Variants in UCHL5 observed in about 807,000 individuals in gnomAD.
UCHL5 encodes the protein ubiquitin carboxyl-terminal hydrolase isozyme L5.
Under a neutral mutation model 53.8 loss-of-function variants are expected in UCHL5, and 34 were observed. The ratio of observed to expected loss-of-function variants is 0.63; its 90% confidence interval spans 0.48 to 0.84. The LOEUF is 0.84. Among genes scored for constraint, UCHL5 ranks in the 40% least tolerant of loss-of-function variants. The pLI is 0.00. For synonymous variants in UCHL5, 111 were observed against 126.3 expected (o/e 0.88, Z 0.81); for missense variants, 290 against 385.6 (o/e 0.75, Z 2.08).
At chr1:193,049,406 T>C (rs1020566477) in intron 3 of UCHL5, 1 of 166,424 alleles carries the variant, frequency 6.0e-6, no homozygotes, top group African/African-American at 2.4e-5. Flanking sequence ...CAAGACTCTA[T>C]CTCAGAAAAA....
intron 6 of UCHL5, 130 bp from the exon 7 acceptor site, chr1:193,028,278 G>T: frequency 1.5e-6 from 1 of 650,596 alleles, no homozygotes; most frequent in Non-Finnish European, 2.4e-6. Context: ...ACTCTTTTTA[G>T]TATAATTATG....
intron 3 of UCHL5, among the ~76,000 whole-genome samples, chr1:193,045,033 CA>C (rs1180048134): frequency 3.9e-5 from 6 of 152,284 alleles, no homozygotes; most frequent in Middle Eastern, 3.4e-3. Context: ...ACTCTACTAT[CA>C]TTTTTTTCTT....
intron 9 of UCHL5, 40 bp downstream of exon 9, chr1:193,022,886 T>C: frequency 7.2e-7 from 1 of 1,389,904 alleles, no homozygotes; most frequent in South Asian, 1.2e-5. Flanking sequence ...TATACTGCTC[T>C]ATATTAAAAC....
chr1:193,038,872 T>G (rs959403316), intron 3 of UCHL5, among the ~76,000 whole-genome samples: 1 of 152,102 alleles, frequency 6.6e-6, no homozygotes, highest in Non-Finnish European at 1.5e-5. Flanking sequence ...AGTGCACACT[T>G]GTAGTCTTAG....
chr1:193,026,230 T>C (rs1451588851), intron 7 of UCHL5, among the ~76,000 whole-genome samples: 1 of 152,082 alleles, frequency 6.6e-6, no homozygotes, highest in Non-Finnish European at 1.5e-5. Context: ...TTTTGGTATC[T>C]ACACCGAGAC....
intron 3 of UCHL5, among the ~76,000 whole-genome samples, chr1:193,044,660 T>C (rs769460284): frequency 1.3e-5 from 2 of 152,168 alleles, no homozygotes; most frequent in Non-Finnish European, 2.9e-5. Context: ...TTAATCTGTA[T>C]AACCTTATCA....
rs1055081380 is a variant in UCHL5, at chr1:193,013,120, G to C, written c.*3231C>G. 2 of 152,186 alleles carry C rather than the reference G, an allele frequency of 1.3e-5. No homozygotes were observed. The highest frequency in any genetic ancestry group is 4.8e-5 in the African/African-American group (2 of 41,442). The allele number at this position is 152,186 out of a possible 1,614,324, so 9.4% of individuals were successfully genotyped here. A position where few individuals can be genotyped will look rare whatever the true frequency, so the allele number is the denominator to read the frequency against. Reference sequence around the variant, plus strand: ...AGGTTTAACTTTTCTGCATTCCAGTGCACAGTCATTAAGTGTTACAGCAGG... The same window carrying C: ...AGGTTTAACTTTTCTGCATTCCAGTCCACAGTCATTAAGTGTTACAGCAGG... On this transcript the variant is annotated 3_prime_UTR_variant, in exon 11 of 11. Transcript: ENST00000367454.
At chr1:193,037,673 A>AAAAAAACT (rs1664006571) in intron 3 of UCHL5, among the ~76,000 whole-genome samples, 1 of 152,170 alleles carries the variant, frequency 6.6e-6, no homozygotes, top group Non-Finnish European at 1.5e-5. Context: ...AGGACACAAC[A>AAAAAAACT]AAAAAACTAC....
At chr1:193,025,736 C>G (rs1400331552) in intron 7 of UCHL5, among the ~76,000 whole-genome samples, 1 of 152,146 alleles carries the variant, frequency 6.6e-6, no homozygotes, top group Non-Finnish European at 1.5e-5. Context: ...TCCATAAAAA[C>G]CAGCTCACAC....
intron 3 of UCHL5, among the ~76,000 whole-genome samples, chr1:193,030,103 C>T (rs993075245): frequency 2.0e-5 from 3 of 152,282 alleles, no homozygotes; most frequent in East Asian, 1.9e-4. Context: ...CATTAGTTTC[C>T]ACCCTCATTT....
chr1:193,046,308 A>C (rs1667308195), intron 3 of UCHL5, among the ~76,000 whole-genome samples: 1 of 152,154 alleles, frequency 6.6e-6, no homozygotes, highest in Non-Finnish European at 1.5e-5. Flanking sequence ...TAGGATTACA[A>C]ACATGAGCCA....
At chr1:193,047,521 A>G (rs1232417822) in intron 3 of UCHL5, among the ~76,000 whole-genome samples, 3 of 152,226 alleles carry the variant, frequency 2.0e-5, no homozygotes, top group Non-Finnish European at 2.9e-5. Flanking sequence ...ATAAAATAAA[A>G]GAAAAAAGAA....
At chr1:193,059,471 T>C (rs1334441840), upstream of UCHL5, 3 of 1,607,036 alleles carry the variant, frequency 1.9e-6, no homozygotes, top group Admixed American at 1.7e-5. The surrounding 1 kb of genome is among the most constrained non-coding windows in gnomAD (Gnocchi z 4.9). Context: ...TCGAAACTCT[T>C]CCCAGGCCTT....
At chr1:193,051,565 T>C (rs2102862503) in intron 2 of UCHL5, among the ~76,000 whole-genome samples, 189 bp downstream of exon 2, 1 of 151,324 alleles carries the variant, frequency 6.6e-6, no homozygotes, top group East Asian at 1.9e-4. Flanking sequence ...GCAAGTTACC[T>C]ATCAGCCTCA....
intron 2 of UCHL5, among the ~76,000 whole-genome samples, chr1:193,051,318 T>C (rs556023777): frequency 9.4e-4 from 143 of 152,254 alleles, no homozygotes; most frequent in Middle Eastern, 6.8e-3. Flanking sequence ...TAAATATAAC[T>C]TTCCCAGAGG....
intron 3 of UCHL5, among the ~76,000 whole-genome samples, chr1:193,040,941 A>T (rs772363635): frequency 1.3e-5 from 2 of 152,208 alleles, no homozygotes; most frequent in Non-Finnish European, 2.9e-5. Flanking sequence ...TAAAACAGCA[A>T]ATCTTCAGGA....
chr1:193,055,197 G>A (rs1249493265), intron 1 of UCHL5, among the ~76,000 whole-genome samples: 1 of 152,174 alleles, frequency 6.6e-6, no homozygotes, highest in Non-Finnish European at 1.5e-5. Context: ...TTTCAAGGAT[G>A]TTCATATAGT....
At chr1:193,027,901 T>C in intron 7 of UCHL5, 184 bp downstream of exon 7, 2 of 1,478,400 alleles carry the variant, frequency 1.4e-6, no homozygotes, top group South Asian at 1.3e-5. Flanking sequence ...GGCAGGCGGA[T>C]GGCTTGAGCT....
Position 193,013,535 on chromosome 1 carries a change from A to T in UCHL5, c.*2816T>A, listed in dbSNP as rs1654456960. On this transcript the variant is annotated 3_prime_UTR_variant, in exon 11 of 11. Coordinates refer to ENST00000367454, the MANE Select transcript of UCHL5 (RefSeq NM_001199261.3). ...ATGAGGAAAAAGGATCACTAAATAC[A>T]TAAAATGTTAATGTGCTCATCCCTG... is the stretch of plus-strand genomic sequence containing the variant. 6.6e-6 allele frequency: 1 copy of T among 152,220 alleles called. No individual in the cohort carries two copies. Among genetic ancestry groups the T allele is most frequent in the South Asian group, 2.1e-4 (1 of 4,836 alleles). 9.4% of individuals were successfully genotyped at this position (152,220 alleles called of 1,614,324 possible).
Sources: allele counts gnomAD v4.1 joint callset (sites outside exome capture counted in the v4.1 genomes callset), GRCh38; gene constraint gnomAD v4.1.1; non-coding constraint Gnocchi (gnomAD v3.1); transcripts MANE v1.5; gene names NCBI Gene and HGNC (gene_info 2026-07-23, HGNC 2026-07-21).